Variants in USP30 observed in about 807,000 individuals in gnomAD.
USP30 encodes the protein ubiquitin specific peptidase 30, also known as ubiquitin carboxyl-terminal hydrolase 30.
USP30 carries 41 observed loss-of-function variants against 68.2 expected under a neutral mutation model. The observed-to-expected ratio is 0.60, with a 90% CI of 0.47 to 0.78. The LOEUF (loss-of-function observed/expected upper bound fraction) is 0.78, where lower values mean the gene tolerates loss of function less well. Among genes scored for constraint, USP30 ranks in the 30% least tolerant of loss-of-function variants. USP30 has a pLI of 0.00. For missense variants in USP30, 522 were observed against 649.4 expected, an observed-to-expected ratio of 0.80 and a Z score of 2.13; for synonymous variants, 229 against 253.7, an observed-to-expected ratio of 0.90 and a Z score of 0.93.
chr12:109,061,179 T>G (rs1165195511), intron 3 of USP30, among the ~76,000 whole-genome samples: 2 of 152,018 alleles, frequency 1.3e-5, no homozygotes, highest in Non-Finnish European at 2.9e-5. Flanking sequence ...GACAGGAGTA[T>G]TCTTGGGGCA....
Position 109,085,901 on chromosome 12 carries a change from C to T in USP30, c.1524C>T (p.His508=). 2 of 1,614,074 alleles carry T rather than the reference C, an allele frequency of 1.2e-6. No individual in the cohort carries two copies. The highest frequency in any genetic ancestry group is 1.1e-5 in the South Asian group (1 of 91,064). The part of the protein sequence containing the change: ...FYERVLSRMQ[H]QSQECKSEE Reference sequence around the variant, plus strand: ...AGCGCGTCCTTTCCAGGATGCAGCACCAGAGCCAGGAGTGCAAGTCTGAAG... The same window carrying T: ...AGCGCGTCCTTTCCAGGATGCAGCATCAGAGCCAGGAGTGCAAGTCTGAAG... Residue 508 remains histidine, a synonymous_variant, in exon 13 of 13, where the codon CAC becomes CAT. Transcript: ENST00000257548.
Position 109,085,852 on chromosome 12 carries a change from C to A in USP30, c.1475C>A (p.Ser492Tyr). The part of the protein sequence containing the change: ...RKASLQEVLS[S>Y]SAYLLFYERV... ...GCCAGCCTGCAGGAGGTCCTGTCCT[C>A]CAGCGCCTACCTGCTGTTCTACGAG... is the stretch of plus-strand genomic sequence containing the variant. The change falls in exon 13 of 13, where the codon TCC (serine) becomes TAC (tyrosine). Residue 492 changes from serine to tyrosine, a missense_variant. Physicochemically the swap from Ser to Tyr is moderately radical, Grantham distance 144. Transcript: ENST00000257548. The A allele has an allele frequency of 1.9e-6, 3 of 1,614,248 alleles. No individual in the cohort carries two copies. Among genetic ancestry groups the A allele is most frequent in the Non-Finnish European group, 2.5e-6 (3 of 1,180,052 alleles).
chr12:109,082,991 A>G lies in USP30; in HGVS notation c.1097A>G (p.His366Arg). 6.2e-7 allele frequency: 1 copy of G among 1,614,190 alleles called. No homozygotes were observed. The highest frequency in any genetic ancestry group is 8.5e-7 in the Non-Finnish European group (1 of 1,180,004). Residue 366 changes from histidine (H) to arginine (R), a missense_variant, in exon 11 of 13, where the codon CAC (histidine) becomes CGC (arginine). Transcript: ENST00000257548. ...YHLLGHKPSQ[H>R]NPKLNKNPGP... ...CTCCTTGGACATAAACCTAGTCAAC[A>G]CAACCCTAAACTGAACAAGAACCCA...
At chr12:109,052,801 C>T (rs1487499385) in intron 1 of USP30, 40 bp downstream of exon 1, 2 of 1,416,566 alleles carry the variant, frequency 1.4e-6, no homozygotes, top group Middle Eastern at 2.0e-4. Flanking sequence ...GAGGCCGGGA[C>T]CAGGGTCCCC....
chr12:109,035,853 CAA>C, intron 3 of USP30, among the ~76,000 whole-genome samples: 1 of 152,112 alleles, frequency 6.6e-6, no homozygotes, highest in Admixed American at 6.6e-5. Context: ...ATCAGATACA[CAA>C]AAAAATTATA....
chr12:109,024,971 T>C lies in USP30; in HGVS notation c.-329T>C, dbSNP rs140598342. ...AGGGTGTTTCAAGAGGAGATTGCTG[T>C]GTGAGTCTGAGTGGACAAAGTTCAG... On this transcript the variant is annotated 5_prime_UTR_variant, in exon 2 of 16. Transcript: ENST00000392784. The C allele has an allele frequency of 1.7e-3, 259 of 152,406 alleles. 2 individuals are homozygous for C. Among genetic ancestry groups the C allele is most frequent in the African/African-American group, 6.1e-3 (254 of 41,562 alleles). The allele number at this position is 152,406 out of a possible 1,614,324, so 9.4% of individuals were successfully genotyped here. A position where few individuals can be genotyped will look rare whatever the true frequency, so the allele number is the denominator to read the frequency against.
At chr12:109,071,543 G>A (rs1056351859) in intron 4 of USP30, 69 bp from the exon 5 acceptor site, 55 of 1,325,142 alleles carry the variant, frequency 4.2e-5, no homozygotes, top group Admixed American at 2.0e-4. Flanking sequence ...GTGTCTGCCC[G>A]AGGTGGGTAG....
intron 1 of USP30, among the ~76,000 whole-genome samples, chr12:109,055,672 C>T (rs1160266429): frequency 2.0e-5 from 3 of 150,434 alleles, no homozygotes; most frequent in Non-Finnish European, 4.4e-5. Flanking sequence ...GCTGGGATTA[C>T]AGGCATGAGC....
intron 8 of USP30, chr12:109,081,629 A>G (rs879905537): frequency 0.074 from 19,514 of 265,342 alleles, 547 homozygotes; most frequent in African/African-American, 0.23. Flanking sequence ...GCGCGCACAC[A>G]CACACACACA....
chr12:109,071,603 C>T lies in USP30; in HGVS notation c.481-9C>T. ...CAACCTCTCTAAAGAATGCTTTGCC[C>T]TATGACAGGATGCTCACGAATTATT... On this transcript the variant is annotated splice_polypyrimidine_tract_variant and intron_variant, in intron 4 of 12. Transcript: ENST00000257548. The T allele has an allele frequency of 1.9e-6, 3 of 1,613,436 alleles. No individual in the cohort carries two copies. The highest frequency in any genetic ancestry group is 2.5e-6 in the Non-Finnish European group (3 of 1,179,424).
In USP30 at chr12:109,063,393, G is replaced by A. The variant is rs138122046; in HGVS notation, c.377-4131G>A. Among the ~76,000 whole-genome samples, 8 of 152,266 alleles carry A rather than the reference G, an allele frequency of 5.3e-5. No individual in the cohort carries two copies. The East Asian group carries it at 1.5e-3, about 29-fold the overall frequency. On this transcript the variant is annotated intron_variant, in intron 3 of 12. Transcript: ENST00000257548. Reference sequence around the variant, plus strand: ...TGGGATTACAGGCGTGAGCCACCACGCCAGGCCTAGGCTGAATAATATTCT... The same window carrying A: ...TGGGATTACAGGCGTGAGCCACCACACCAGGCCTAGGCTGAATAATATTCT...
rs191782871 is a variant in USP30, at chr12:109,070,892, C to T, written c.481-720C>T. ...AAGGGGTAGAAGCAACCCAAGTGTT[C>T]ATCGGCTGATAAATAGGTAAACAAA... On this transcript the variant is annotated intron_variant, in intron 4 of 12. Transcript: ENST00000257548. The surrounding 1 kb of genome is among the most constrained non-coding windows in gnomAD (Gnocchi z 4.0). 2.6e-5 allele frequency among the ~76,000 whole-genome samples: 4 copies of T among 152,322 alleles called. No homozygotes were observed. Among genetic ancestry groups the T allele is most frequent in the African/African-American group, 9.6e-5 (4 of 41,570 alleles).
intron 3 of USP30, among the ~76,000 whole-genome samples, chr12:109,029,169 C>T (rs553713046): frequency 6.6e-6 from 1 of 152,284 alleles, no homozygotes; most frequent in South Asian, 2.1e-4. Flanking sequence ...CAGAAAGATA[C>T]TGGCTGCAGC....
intron 4 of USP30, among the ~76,000 whole-genome samples, chr12:109,068,389 C>T (rs1023879604): frequency 7.9e-5 from 12 of 152,124 alleles, no homozygotes; most frequent in African/African-American, 2.9e-4. Context: ...TGAGGGGCAT[C>T]GAGAGACTTT....
At chr12:109,042,428 A>G (rs1337415318) in intron 3 of USP30, among the ~76,000 whole-genome samples, 2 of 152,142 alleles carry the variant, frequency 1.3e-5, no homozygotes, top group Non-Finnish European at 2.9e-5. Context: ...CTAATCTTTT[A>G]TTCTCTCACA....
At chr12:109,040,608 C>T (rs563740887) in intron 3 of USP30, among the ~76,000 whole-genome samples, 4 of 152,118 alleles carry the variant, frequency 2.6e-5, no homozygotes, top group Non-Finnish European at 5.9e-5. Flanking sequence ...GCTGTGGTCT[C>T]ATCTGAAGAC....
Position 109,061,534 on chromosome 12 carries a change from AGGTAG to A in USP30, c.376+3427_376+3431del. On this transcript the variant is annotated intron_variant, in intron 3 of 12. Coordinates refer to ENST00000257548, the MANE Select transcript of USP30 (RefSeq NM_032663.5). ...AAACAATCCTCCATTTCCATTTCCCAGGTAGCTGGGACTACAGGCACATGCCACCA... is the reference window on the plus strand; with the variant it reads ...AAACAATCCTCCATTTCCATTTCCCACTGGGACTACAGGCACATGCCACCA... Among the ~76,000 whole-genome samples the A allele has an allele frequency of 4.0e-5, 6 of 151,424 alleles. 1 individual carries two copies. Among genetic ancestry groups the A allele is most frequent in the Admixed American group, 3.9e-4 (6 of 15,194 alleles).
In USP30 at chr12:109,072,296, C is replaced by T. The variant is rs199950869; in HGVS notation, c.580-9C>T. On this transcript the variant is annotated splice_polypyrimidine_tract_variant and intron_variant, in intron 5 of 12. Coordinates refer to ENST00000257548, the MANE Select transcript of USP30 (RefSeq NM_032663.5). Reference sequence around the variant, plus strand: ...TTTTCAGTCTGTTTTTTTTTTTTCTCCCCTACAGCAGCAGTCAGAAATAAC... The same window carrying T: ...TTTTCAGTCTGTTTTTTTTTTTTCTTCCCTACAGCAGCAGTCAGAAATAAC... 7.4e-5 allele frequency: 118 copies of T among 1,602,930 alleles called. No homozygotes were observed. In the Middle Eastern group the frequency reaches 1.0e-3, roughly 14 times the overall value.
chr12:109,023,470 G>T (rs917415622), intron 1 of USP30, among the ~76,000 whole-genome samples: 1 of 151,926 alleles, frequency 6.6e-6, no homozygotes, highest in African/African-American at 2.4e-5. Context: ...CAGGAAAATC[G>T]CTTGAAGCCA....
Sources: allele counts gnomAD v4.1 joint callset (sites outside exome capture counted in the v4.1 genomes callset), GRCh38; gene constraint gnomAD v4.1.1; non-coding constraint Gnocchi (gnomAD v3.1); transcripts MANE v1.5; gene names NCBI Gene and HGNC (gene_info 2026-07-23, HGNC 2026-07-21).